The following GLDC variants were observed in gnomAD, a reference collection of about 807,000 sequenced individuals.
GLDC encodes glycine dehydrogenase (decarboxylating), mitochondrial.
GLDC carries 104 observed loss-of-function variants against 121.3 expected under a neutral mutation model. That is an observed-to-expected ratio of 0.86 (90% CI 0.73 to 1.01). The LOEUF (loss-of-function observed/expected upper bound fraction) is 1.01, where lower values mean the gene tolerates loss of function less well. Ranked by LOEUF, GLDC falls within the 50% of genes least tolerant of loss-of-function variation. The probability of loss-of-function intolerance (pLI) is 0.00; values close to 1 mark genes in which losing one functional copy is unlikely to be tolerated. For missense variants in GLDC, 1,429 were observed against 1,306.6 expected (o/e 1.09, Z -1.44); for synonymous variants, 546 against 480.6 (o/e 1.14, Z -1.78).
intron 20 of GLDC, among the ~76,000 whole-genome samples, chr9:6,552,518 C>T (rs1381499342): frequency 1.3e-5 from 2 of 152,142 alleles, no homozygotes; most frequent in Admixed American, 1.3e-4. Flanking sequence ...GTTCCGGCTT[C>T]CAAGAAACTT....
Position 6,558,658 on chromosome 9 carries a change from A to G in GLDC, c.1953T>C (p.His651=), listed in dbSNP as rs777613879. ...TGTGGGCACTTGCTGGGTTGGTCCC[A>G]TGTGCTGATTTCGGAATGAGGCAAA... ...RTVCLIPKSA[H]GTNPASAHMA... Residue 651 remains histidine, a synonymous_variant, in exon 17 of 25, where the codon CAT becomes CAC. Transcript: ENST00000321612. The G allele has an allele frequency of 4.9e-5, 79 of 1,614,102 alleles. No homozygotes were observed. The East Asian group carries it at 1.8e-3, about 36-fold the overall frequency.
At chr9:6,560,368 A>G (rs1817727411) in intron 16 of GLDC, among the ~76,000 whole-genome samples, 1 of 152,266 alleles carries the variant, frequency 6.6e-6, no homozygotes, top group African/African-American at 2.4e-5. Context: ...GCCAAAGGCA[A>G]ACATGAACTA....
intron 8 of GLDC, among the ~76,000 whole-genome samples, chr9:6,598,127 C>G (rs1818527581): frequency 6.6e-6 from 1 of 152,196 alleles, no homozygotes; most frequent in Non-Finnish European, 1.5e-5. Flanking sequence ...CTCCCCAGCT[C>G]AAGCACTCCT....
intron 8 of GLDC, among the ~76,000 whole-genome samples, chr9:6,598,356 C>A (rs543798836): frequency 1.6e-4 from 25 of 152,190 alleles, no homozygotes; most frequent in Admixed American, 1.1e-3. Context: ...TAGAATGGGG[C>A]CTGCTGAGCC....
chr9:6,633,359 T>G (rs573448755), intron 2 of GLDC, among the ~76,000 whole-genome samples: 30 of 152,280 alleles, frequency 2.0e-4, no homozygotes, highest in African/African-American at 6.0e-4. Flanking sequence ...TTCTCATGAA[T>G]TTGTCGGAAA....
intron 16 of GLDC, among the ~76,000 whole-genome samples, chr9:6,564,094 A>G (rs906626004): frequency 6.6e-6 from 1 of 152,090 alleles, no homozygotes; most frequent in Admixed American, 6.5e-5. Flanking sequence ...CTAAAAATAC[A>G]AAAATTAGCC....
chr9:6,549,387 C>A (rs1283285661), intron 21 of GLDC, among the ~76,000 whole-genome samples: 2 of 152,072 alleles, frequency 1.3e-5, no homozygotes, highest in African/African-American at 4.8e-5. Flanking sequence ...GGAGTGGAGG[C>A]TGCAGGGAGG....
At chr9:6,597,611 A>T (rs1818515738) in intron 8 of GLDC, among the ~76,000 whole-genome samples, 1 of 152,154 alleles carries the variant, frequency 6.6e-6, no homozygotes, top group Non-Finnish European at 1.5e-5. Flanking sequence ...AGCCAATGAA[A>T]GAGCTGCTCA....
intron 19 of GLDC, among the ~76,000 whole-genome samples, chr9:6,554,184 C>A (rs952365361): frequency 6.6e-6 from 1 of 152,198 alleles, no homozygotes; most frequent in Non-Finnish European, 1.5e-5. Context: ...TTCAGTCCTA[C>A]TCTGGCTTCA....
intron 22 of GLDC, 95 bp from the exon 23 acceptor site, chr9:6,536,331 A>G: frequency 9.4e-7 from 1 of 1,062,640 alleles, no homozygotes; most frequent in Non-Finnish European, 1.4e-6. Flanking sequence ...TTTTATCCTA[A>G]GAAAATCATC....
At chr9:6,570,708 G>C (rs1817944388) in intron 15 of GLDC, among the ~76,000 whole-genome samples, 1 of 152,052 alleles carries the variant, frequency 6.6e-6, no homozygotes, top group Non-Finnish European at 1.5e-5. Context: ...ACAAAAATTA[G>C]CTGGGCGTTG....
At chr9:6,634,664 C>T (rs1819464633) in intron 2 of GLDC, among the ~76,000 whole-genome samples, 1 of 152,184 alleles carries the variant, frequency 6.6e-6, no homozygotes, top group African/African-American at 2.4e-5. Context: ...TATAAGACTC[C>T]TCCCATGGGC....
intron 15 of GLDC, among the ~76,000 whole-genome samples, chr9:6,571,511 G>A (rs1817967548): frequency 1.3e-5 from 2 of 152,166 alleles, no homozygotes; most frequent in Admixed American, 6.5e-5. Flanking sequence ...GTGAGATCGT[G>A]CCACTGTACG....
Position 6,629,941 on chromosome 9 carries a change from A to ATG in GLDC, c.335-9623_335-9622insCA, listed in dbSNP as rs1563870159. On this transcript the variant is annotated intron_variant, in intron 2 of 24. Transcript: ENST00000321612. ...GGCTTGCTTTTCACTATATATATATATATGTATATATATATATTTTTTTTT... is the reference window on the plus strand; with the variant it reads ...GGCTTGCTTTTCACTATATATATATATGTATGTATATATATATATTTTTTTTT... Among the ~76,000 whole-genome samples the ATG allele has an allele frequency of 3.4e-3, 240 of 70,880 alleles. 3 individuals are homozygous for ATG. The highest frequency in any genetic ancestry group is 0.02 in the African/African-American group (192 of 9,490). 46.5% of individuals were successfully genotyped at this position (70,880 alleles called of 152,430 possible). A position where few individuals can be genotyped will look rare whatever the true frequency, so the allele number is the denominator to read the frequency against.
chr9:6,540,028 C>T (rs1289697773), intron 22 of GLDC, 23 bp downstream of exon 22: 4 of 1,448,534 alleles, frequency 2.8e-6, no homozygotes, highest in Non-Finnish European at 2.9e-6. Flanking sequence ...TGGGCGGCGG[C>T]ATGAATGTCA....
intron 15 of GLDC, among the ~76,000 whole-genome samples, chr9:6,574,615 A>G (rs781605400): frequency 3.9e-5 from 6 of 151,996 alleles, no homozygotes; most frequent in Non-Finnish European, 8.8e-5. Flanking sequence ...ATCAAAATAT[A>G]CTCTTGAGAG....
intron 21 of GLDC, among the ~76,000 whole-genome samples, chr9:6,544,503 G>C (rs774845537): frequency 6.6e-6 from 1 of 152,178 alleles, no homozygotes; most frequent in Non-Finnish European, 1.5e-5. Flanking sequence ...AATCAGCCGA[G>C]TGCAGTGGCG....
At chr9:6,580,486 T>C (rs1818152377) in intron 15 of GLDC, among the ~76,000 whole-genome samples, 1 of 152,176 alleles carries the variant, frequency 6.6e-6, no homozygotes, top group Non-Finnish European at 1.5e-5. Context: ...ATCCGGAAGA[T>C]GTAGGGCTCA....
chr9:6,535,172 A>G (rs187746164), intron 23 of GLDC, among the ~76,000 whole-genome samples: 3 of 152,284 alleles, frequency 2.0e-5, no homozygotes, highest in Non-Finnish European at 4.4e-5. Flanking sequence ...AACTGCATAT[A>G]GCATAATTTG....
Sources: allele counts gnomAD v4.1 joint callset (sites outside exome capture counted in the v4.1 genomes callset), GRCh38; gene constraint gnomAD v4.1.1; transcripts MANE v1.5; gene names NCBI Gene and HGNC (gene_info 2026-07-23, HGNC 2026-07-21).